BMP5: variants seen among roughly 807,000 people sequenced by gnomAD.
BMP5 encodes bone morphogenetic protein 5.
A neutral mutation model predicts 46.6 loss-of-function variants in BMP5; 23 were observed. The observed-to-expected ratio is 0.49, with a 90% confidence interval of 0.35 to 0.70. The LOEUF (loss-of-function observed/expected upper bound fraction) is 0.70, where lower values mean the gene tolerates loss of function less well. Among genes scored for constraint, BMP5 ranks in the 30% least tolerant of loss-of-function variants. The pLI, the probability that BMP5 is intolerant of heterozygous loss-of-function variation, is 0.00. For missense variants in BMP5, 545 were observed against 565.6 expected, an observed-to-expected ratio of 0.96 and a Z score of 0.37; for synonymous variants, 204 against 191.9, an observed-to-expected ratio of 1.06 and a Z score of -0.52.
chr6:55,818,618 G>C, intron 2 of BMP5, among the ~76,000 whole-genome samples: 1 of 151,960 alleles, frequency 6.6e-6, no homozygotes, highest in Non-Finnish European at 1.5e-5. Flanking sequence ...TAACAGGAAG[G>C]CTTTAGCAAT....
At chr6:55,774,678 C>G (rs1388090395) in intron 3 of BMP5, among the ~76,000 whole-genome samples, 1 of 151,944 alleles carries the variant, frequency 6.6e-6, no homozygotes, top group Non-Finnish European at 1.5e-5. Context: ...CTTTCTCCAG[C>G]CTATTCGAAG....
intron 3 of BMP5, among the ~76,000 whole-genome samples, chr6:55,775,086 C>A (rs536452275): frequency 6.6e-6 from 1 of 152,010 alleles, no homozygotes; most frequent in Admixed American, 6.6e-5. Context: ...GTGTCTCAGA[C>A]CCTTATGTGT....
intron 2 of BMP5, among the ~76,000 whole-genome samples, chr6:55,811,866 A>G (rs187450233): frequency 7.6e-4 from 115 of 152,230 alleles, no homozygotes; most frequent in African/African-American, 2.6e-3. Flanking sequence ...TTCTATTTCC[A>G]CAACACTTAG....
chr6:55,768,253 T>C (rs1248904760), intron 4 of BMP5, among the ~76,000 whole-genome samples: 1 of 151,938 alleles, frequency 6.6e-6, no homozygotes, highest in Non-Finnish European at 1.5e-5. Flanking sequence ...AAGAATAGAA[T>C]GTTTCAATTT....
intron 1 of BMP5, among the ~76,000 whole-genome samples, chr6:55,824,175 T>C (rs115722130): frequency 0.012 from 1,854 of 152,036 alleles, 40 homozygotes; most frequent in African/African-American, 0.042. Context: ...TGTGACAAAT[T>C]TGGCAAATAT....
intron 2 of BMP5, among the ~76,000 whole-genome samples, chr6:55,811,346 A>G (rs1776130212): frequency 6.6e-6 from 1 of 152,212 alleles, no homozygotes; most frequent in Non-Finnish European, 1.5e-5. Flanking sequence ...ACAGAAATTT[A>G]TATTCATAGC....
At chr6:55,857,829 C>A (rs1215161344) in intron 1 of BMP5, among the ~76,000 whole-genome samples, 17 of 144,844 alleles carry the variant, frequency 1.2e-4, no homozygotes, top group Admixed American at 1.2e-3. Flanking sequence ...ACCTCCACCT[C>A]CCAGGCTCAA....
intron 3 of BMP5, among the ~76,000 whole-genome samples, chr6:55,791,761 T>C (rs1307148205): frequency 6.6e-6 from 1 of 152,114 alleles, no homozygotes; most frequent in Non-Finnish European, 1.5e-5. Context: ...AGAGGGAAGA[T>C]GGAAATTAAA....
Position 55,758,962 on chromosome 6 carries a change from T to G in BMP5, c.1215+43A>C, listed in dbSNP as rs774803268. The G allele has an allele frequency of 5.4e-6, 7 of 1,284,908 alleles. No individual in the cohort carries two copies. In the South Asian group the frequency reaches 8.3e-5, roughly 15 times the overall value. The allele number at this position is 1,284,908 out of a possible 1,614,324, so 79.6% of individuals were successfully genotyped here. A position where few individuals can be genotyped will look rare whatever the true frequency, so the allele number is the denominator to read the frequency against. ...CCTCTAAAACAACTTTATAATATGCTTGCATTCTAAGCTTTTCTTAATCCT... is the reference window on the plus strand; with the variant it reads ...CCTCTAAAACAACTTTATAATATGCGTGCATTCTAAGCTTTTCTTAATCCT... On this transcript the variant is annotated intron_variant, in intron 6 of 6. Transcript: ENST00000370830.
At chr6:55,793,622 A>T (rs1214225841) in intron 3 of BMP5, among the ~76,000 whole-genome samples, 1 of 152,202 alleles carries the variant, frequency 6.6e-6, no homozygotes, top group Non-Finnish European at 1.5e-5. Flanking sequence ...TGAGCATAAG[A>T]ATTACTTCTG....
intron 2 of BMP5, among the ~76,000 whole-genome samples, chr6:55,797,773 C>T (rs973336487): frequency 2.0e-5 from 3 of 151,822 alleles, no homozygotes; most frequent in East Asian, 1.9e-4. Context: ...CCTGCCACCA[C>T]GCCCGGCTAA....
At chr6:55,847,433 A>T (rs1777124237) in intron 1 of BMP5, among the ~76,000 whole-genome samples, 1 of 151,996 alleles carries the variant, frequency 6.6e-6, no homozygotes, top group Non-Finnish European at 1.5e-5. Context: ...TAATGTAGGC[A>T]TACAACAGAA....
intron 1 of BMP5, among the ~76,000 whole-genome samples, chr6:55,823,349 T>C: frequency 6.6e-6 from 1 of 152,058 alleles, no homozygotes; most frequent in African/African-American, 2.4e-5. Context: ...AGAGAAATCT[T>C]TTAATAAATA....
rs117917175 is a variant in BMP5, at chr6:55,874,109, G to A, written c.490+267C>T. ...TCCCTGTTTTTAGACTATTGCCTTT[G>A]CATTCATATATTTAAGCGAGGTTGA... On this transcript the variant is annotated intron_variant, in intron 1 of 6. Coordinates refer to ENST00000370830, the MANE Select transcript of BMP5 (RefSeq NM_021073.4). Among the ~76,000 whole-genome samples the A allele has an allele frequency of 0.015, 2,222 of 151,862 alleles. 30 individuals are homozygous for A. The highest frequency in any genetic ancestry group is 0.052 in the Middle Eastern group (15 of 290).
At chr6:55,808,011 G>A (rs977488130) in intron 2 of BMP5, among the ~76,000 whole-genome samples, 11 of 152,288 alleles carry the variant, frequency 7.2e-5, no homozygotes, top group Non-Finnish European at 5.9e-5. Context: ...CTTGATGGAG[G>A]AGGTGTACTT....
chr6:55,767,807 T>A (rs1043020815), intron 4 of BMP5, among the ~76,000 whole-genome samples: 2 of 151,972 alleles, frequency 1.3e-5, no homozygotes, highest in Non-Finnish European at 2.9e-5. Flanking sequence ...AAATGTCTTT[T>A]TGGAGTGACA....
At chr6:55,826,932 A>G (rs1256720471) in intron 1 of BMP5, among the ~76,000 whole-genome samples, 3 of 151,760 alleles carry the variant, frequency 2.0e-5, no homozygotes, top group African/African-American at 7.2e-5. Context: ...AGTTTCAACT[A>G]ATAACAACTG....
At chr6:55,828,075 A>G (rs1776573549) in intron 1 of BMP5, among the ~76,000 whole-genome samples, 1 of 151,900 alleles carries the variant, frequency 6.6e-6, no homozygotes, top group Admixed American at 6.6e-5. Flanking sequence ...TCAGTAAAAT[A>G]AAACAGTTTT....
intron 3 of BMP5, among the ~76,000 whole-genome samples, chr6:55,792,426 C>A (rs979567340): frequency 6.6e-6 from 1 of 150,714 alleles, no homozygotes; most frequent in Non-Finnish European, 1.5e-5. Context: ...CCCGGCTACT[C>A]GGGAGGCTGA....
Sources: gnomAD v4.1 joint callset for allele counts (sites outside exome capture counted in the v4.1 genomes callset) on GRCh38, gnomAD v4.1.1 for gene constraint, MANE v1.5 for transcripts, NCBI Gene and HGNC (gene_info 2026-07-23, HGNC 2026-07-21) for gene names.